MCTP2: variants seen among roughly 807,000 people sequenced by gnomAD.
MCTP2 encodes multiple C2 and transmembrane domain containing 2.
MCTP2 carries 132 observed loss-of-function variants against 111.6 expected under a neutral mutation model. The observed-to-expected ratio is 1.18, with a 90% CI of 1.03 to 1.37. The LOEUF (loss-of-function observed/expected upper bound fraction) is 1.37, where lower values mean the gene tolerates loss of function less well. MCTP2 is among the 40% of genes most tolerant of loss of function. The pLI is 0.00. For missense variants in MCTP2, 1,183 were observed against 1,067.9 expected (o/e 1.11, Z -1.50); for synonymous variants, 395 against 387.7 (o/e 1.02, Z -0.22).
chr15:94,464,920 G>A (rs1315907961), intron 20 of MCTP2, among the ~76,000 whole-genome samples: 1 of 152,024 alleles, frequency 6.6e-6, no homozygotes, highest in African/African-American at 2.4e-5. Context: ...AGCTTGAAAA[G>A]TAGATCATTG....
intron 14 of MCTP2, among the ~76,000 whole-genome samples, chr15:94,385,871 C>T (rs942565795): frequency 2.6e-5 from 4 of 152,156 alleles, no homozygotes; most frequent in African/African-American, 9.7e-5. Flanking sequence ...GAAAAACACA[C>T]ATGTATTTCT....
chr15:94,440,829 AT>A (rs1193883359), intron 18 of MCTP2, among the ~76,000 whole-genome samples: 1 of 152,158 alleles, frequency 6.6e-6, no homozygotes, highest in Non-Finnish European at 1.5e-5. Flanking sequence ...TTGTCTGGAA[AT>A]TCCCAAACTT....
chr15:94,358,722 C>G, intron 10 of MCTP2, 110 bp downstream of exon 10: 1 of 1,303,016 alleles, frequency 7.7e-7, no homozygotes, highest in Admixed American at 2.8e-5. Context: ...ATCCCTCACC[C>G]CAGAGTGCCA....
intron 1 of MCTP2, among the ~76,000 whole-genome samples, chr15:94,288,334 C>T (rs1027032187): frequency 6.6e-6 from 1 of 152,150 alleles, no homozygotes; most frequent in Non-Finnish European, 1.5e-5. Context: ...TGGACTCATC[C>T]ATAGCCTGAA....
intron 4 of MCTP2, among the ~76,000 whole-genome samples, chr15:94,338,343 C>T (rs2077465576): frequency 6.6e-6 from 1 of 152,136 alleles, no homozygotes; most frequent in African/African-American, 2.4e-5. Flanking sequence ...CGTTTATCTC[C>T]TCATTGATTG....
chr15:94,367,835 C>A lies in MCTP2; in HGVS notation c.1488+44C>A, dbSNP rs74030840. 862 of 1,504,534 alleles carry A rather than the reference C, an allele frequency of 5.7e-4. 6 individuals carry two copies. In the African/African-American group the frequency reaches 0.011, roughly 19 times the overall value. The allele number at this position is 1,504,534 out of a possible 1,614,324, so 93.2% of individuals were successfully genotyped here. A position where few individuals can be genotyped will look rare whatever the true frequency, so the allele number is the denominator to read the frequency against. On this transcript the variant is annotated intron_variant, in intron 11 of 22. Transcript: ENST00000357742. ...TGTACACTCCCCCTCCTCCCACCTT[C>A]TCTTTTAAAACAAAGTCTTTATTGA...
At chr15:94,266,104 C>T (rs1005141885) in intron 1 of MCTP2, among the ~76,000 whole-genome samples, 1 of 138,058 alleles carries the variant, frequency 7.2e-6, no homozygotes, top group Admixed American at 7.8e-5. Flanking sequence ...ACGTGCTCTA[C>T]AGTCTCAATA....
intron 17 of MCTP2, among the ~76,000 whole-genome samples, chr15:94,424,541 G>T (rs1596663717): frequency 1.3e-5 from 2 of 152,106 alleles, no homozygotes; most frequent in South Asian, 4.1e-4. Flanking sequence ...GCCTCCAGGT[G>T]CTTCTCATAC....
chr15:94,370,517 C>T (rs560057609), intron 12 of MCTP2, among the ~76,000 whole-genome samples: 14 of 152,284 alleles, frequency 9.2e-5, no homozygotes, highest in African/African-American at 1.9e-4. Flanking sequence ...GACAGCGATT[C>T]GACTTCTCGC....
At chr15:94,417,136 T>C (rs1225013923) in intron 17 of MCTP2, among the ~76,000 whole-genome samples, 3 of 152,144 alleles carry the variant, frequency 2.0e-5, no homozygotes, top group Admixed American at 6.6e-5. Context: ...TCTACACATA[T>C]AATAGCTTTA....
rs202170550 is a variant in MCTP2, at chr15:94,435,629, C to CTTTTTTTTTTTTT, written c.2086-4539_2086-4527dup. On this transcript the variant is annotated intron_variant, in intron 17 of 22. Transcript: ENST00000357742. ...CTAAAAAAGTTGTACTTTTTTTATT[C>CTTTTTTTTTTTTT]TTTTTTTTTTTTTTTTTTTTGAGAC... Among the ~76,000 whole-genome samples the CTTTTTTTTTTTTT allele has an allele frequency of 1.7e-3, 195 of 117,900 alleles. 7 individuals carry two copies. Among genetic ancestry groups the CTTTTTTTTTTTTT allele is most frequent in the African/African-American group, 5.4e-3 (172 of 32,016 alleles). The allele number at this position is 117,900 out of a possible 152,430, so 77.3% of individuals were successfully genotyped here. A position where few individuals can be genotyped will look rare whatever the true frequency, so the allele number is the denominator to read the frequency against.
At chr15:94,312,766 C>T (rs2076204947) in intron 2 of MCTP2, among the ~76,000 whole-genome samples, 1 of 152,202 alleles carries the variant, frequency 6.6e-6, no homozygotes, top group South Asian at 2.1e-4. Context: ...CCAGTTGCAG[C>T]CTTTCTCGAT....
intron 20 of MCTP2, among the ~76,000 whole-genome samples, chr15:94,467,324 C>T (rs914888761): frequency 1.3e-5 from 2 of 152,058 alleles, no homozygotes; most frequent in Non-Finnish European, 2.9e-5. Flanking sequence ...GATCTGCCAT[C>T]CACTGTGTCT....
chr15:94,397,384 C>T (rs760954488), intron 14 of MCTP2, among the ~76,000 whole-genome samples: 1 of 152,212 alleles, frequency 6.6e-6, no homozygotes, highest in Non-Finnish European at 1.5e-5. Context: ...TTTAAGATAA[C>T]AGTACAATGA....
At chr15:94,254,953 G>A (rs1372905853) in intron 1 of MCTP2, among the ~76,000 whole-genome samples, 1 of 152,060 alleles carries the variant, frequency 6.6e-6, no homozygotes, top group African/African-American at 2.4e-5. Flanking sequence ...TTTTTATCTG[G>A]CATTTTATTA....
intron 17 of MCTP2, among the ~76,000 whole-genome samples, chr15:94,410,053 G>A (rs2082086716): frequency 6.6e-6 from 1 of 152,012 alleles, no homozygotes; most frequent in Non-Finnish European, 1.5e-5. Context: ...AAGAAAAAAT[G>A]TGCTCTTTGG....
intron 17 of MCTP2, among the ~76,000 whole-genome samples, chr15:94,405,245 C>T (rs1166129453): frequency 1.3e-5 from 2 of 152,150 alleles, no homozygotes; most frequent in African/African-American, 4.8e-5. Flanking sequence ...TGTTTTTCTT[C>T]TGTTTTTTGA....
rs962157423 is a variant in MCTP2, at chr15:94,350,557, G to A, written c.1005+5393G>A. Among the ~76,000 whole-genome samples, 8 of 151,434 alleles carry A rather than the reference G, an allele frequency of 5.3e-5. 1 individual carries two copies. The highest frequency in any genetic ancestry group is 4.1e-4 in the South Asian group (2 of 4,820). On this transcript the variant is annotated intron_variant, in intron 8 of 22. Coordinates refer to ENST00000357742, the MANE Select transcript of MCTP2 (RefSeq NM_001385001.1). Reference sequence around the variant, plus strand: ...TGCACCCCAGCCTGAGTGACAGAGCGAGACTCCGTCTCAAAATAAAATAAG... The same window carrying A: ...TGCACCCCAGCCTGAGTGACAGAGCAAGACTCCGTCTCAAAATAAAATAAG...
chr15:94,352,608 G>T (rs1358549006), intron 8 of MCTP2, among the ~76,000 whole-genome samples: 1 of 152,310 alleles, frequency 6.6e-6, no homozygotes, highest in East Asian at 1.9e-4. Context: ...TTTCAGTTCA[G>T]GTGGGGTGGC....
Sources: gnomAD v4.1 joint callset for allele counts (sites outside exome capture counted in the v4.1 genomes callset) on GRCh38, gnomAD v4.1.1 for gene constraint, MANE v1.5 for transcripts, NCBI Gene and HGNC (gene_info 2026-07-23, HGNC 2026-07-21) for gene names.